PSMA6: variants seen among roughly 807,000 people sequenced by gnomAD.
PSMA6 encodes proteasome 20S subunit alpha 6.
For synonymous variants in PSMA6, 88 were observed against 97.7 expected (o/e 0.90, Z 0.59); for missense variants, 170 against 294.8 (o/e 0.58, Z 3.10).
At chr14:35,311,606 C>T (rs768633248) in intron 4 of PSMA6, among the ~76,000 whole-genome samples, 152 of 152,080 alleles carry the variant, frequency 1.0e-3, no homozygotes, top group East Asian at 3.9e-4. Context: ...TTTGTGTTGC[C>T]CTTATATTTT....
chr14:35,292,691 T>TCCGGCTTCG, intron 1 of PSMA6, 139 bp downstream of exon 1: 1 of 1,443,474 alleles, frequency 6.9e-7, no homozygotes, highest in African/African-American at 1.4e-5. Flanking sequence ...TGAAGCTGGA[T>TCCGGCTTCG]TGAGCTCTGT....
intron 1 of PSMA6, among the ~76,000 whole-genome samples, chr14:35,296,768 G>T (rs1319217718): frequency 6.6e-6 from 1 of 152,084 alleles, no homozygotes; most frequent in South Asian, 2.1e-4. Context: ...TTATTTCAAA[G>T]CAGTATTTCT....
At chr14:35,291,843 AAAAAG>A (rs2051487348), upstream of PSMA6, among the ~76,000 whole-genome samples, 9 of 151,066 alleles carry the variant, frequency 6.0e-5, no homozygotes, top group Admixed American at 5.3e-4. Flanking sequence ...AAAAAAAAAA[AAAAAG>A]ACTAAAAATT....
rs77796720 is a variant in PSMA6 at position 35,314,500 on chromosome 14, G to A, written c.683+45G>A. ...ACATGCAGACTAGAAAGGTGGAGGCGTGTGAGTCCATGTGTCCTATAACTT... is the reference window on the plus strand; with the variant it reads ...ACATGCAGACTAGAAAGGTGGAGGCATGTGAGTCCATGTGTCCTATAACTT... On this transcript the variant is annotated intron_variant, in intron 6 of 6. Transcript: ENST00000261479. The A allele has an allele frequency of 0.12, 182,104 of 1,575,398 alleles. 11,283 individuals are homozygous for A. The highest frequency in any genetic ancestry group is 0.16 in the Middle Eastern group (920 of 5,922).
upstream of PSMA6, chr14:35,292,249 G>T (rs1019181237): frequency 2.2e-5 from 29 of 1,305,828 alleles, no homozygotes; most frequent in Admixed American, 7.3e-5. Flanking sequence ...TGGCGCAGGC[G>T]CATACCTTCA....
upstream of PSMA6, chr14:35,292,375 G>T (rs918048093): frequency 2.1e-5 from 32 of 1,534,464 alleles, no homozygotes; most frequent in Middle Eastern, 7.4e-4. Context: ...AACGCGGCTG[G>T]TACCCCGGAA....
chr14:35,291,841 A>G (rs1342328065), upstream of PSMA6, among the ~76,000 whole-genome samples: 1 of 151,114 alleles, frequency 6.6e-6, no homozygotes, highest in Non-Finnish European at 1.5e-5. Flanking sequence ...AAAAAAAAAA[A>G]AAAAAAGACT....
At chr14:35,303,838 A>G (rs1314894020) in intron 1 of PSMA6, among the ~76,000 whole-genome samples, 2 of 152,172 alleles carry the variant, frequency 1.3e-5, no homozygotes, top group Non-Finnish European at 2.9e-5. Context: ...TCGCTAAACA[A>G]TGTAGTATAA....
chr14:35,278,713 G>A lies in PSMA6; in HGVS notation c.14G>A (p.Arg5Gln), dbSNP rs568729869. ...TTGGAGGTGGCTATGGCAGGTCTTC[G>A]GAGAGGTAAGTCCCTCACTCAGACT... Residue 5 changes from arginine to glutamine, a missense_variant, in exon 1 of 7, where the codon CGG becomes CAG. By Grantham distance (43) the Arg-to-Gln change is conservative. Transcript: ENST00000540871. 9.3e-5 allele frequency: 143 copies of A among 1,534,392 alleles called. No individual in the cohort carries two copies. The Middle Eastern group carries it at 1.7e-3, about 18-fold the overall frequency.
chr14:35,290,118 A>G (rs1215849951), upstream of PSMA6, among the ~76,000 whole-genome samples: 1 of 152,108 alleles, frequency 6.6e-6, no homozygotes, highest in African/African-American at 2.4e-5. Context: ...GAGGTGCCAT[A>G]TGTCTCAATG....
chr14:35,294,470 G>T (rs1051596562), intron 1 of PSMA6, among the ~76,000 whole-genome samples: 14 of 152,234 alleles, frequency 9.2e-5, no homozygotes, highest in Non-Finnish European at 1.5e-4. Flanking sequence ...AGGCCCTGGA[G>T]TCATACATGG....
intron 3 of PSMA6, chr14:35,310,314 G>T (rs542154334): frequency 2.6e-6 from 1 of 378,306 alleles, no homozygotes; most frequent in East Asian, 8.1e-5. Flanking sequence ...GCACCACCAC[G>T]TGCAGCTAAT....
At chr14:35,280,474 C>T (rs1375861695) in intron 1 of PSMA6, among the ~76,000 whole-genome samples, 7 of 151,690 alleles carry the variant, frequency 4.6e-5, no homozygotes, top group Non-Finnish European at 7.4e-5. Context: ...CTCCACCTCC[C>T]GGATTCAAGT....
At position 35,310,812 on chromosome 14, in the gene PSMA6, T is replaced by G; in HGVS notation, c.326T>G (p.Ile109Ser). 6.2e-7 allele frequency: 1 copy of G among 1,613,374 alleles called. No individual in the cohort carries two copies. Among genetic ancestry groups the G allele is most frequent in the Non-Finnish European group, 8.5e-7 (1 of 1,179,812 alleles). The change falls in exon 4 of 7, where the codon ATT (isoleucine) becomes AGT (serine). Residue 109 changes from isoleucine (I) to serine (S), a missense_variant. Coordinates refer to ENST00000261479, the MANE Select transcript of PSMA6 (RefSeq NM_002791.3). ...ANWKYKYGYE[I>S]PVDMLCKRIA... ...TGGAAATACAAGTATGGCTATGAGA[T>G]TCCTGTGGACATGCTGTGTAAAAGA... is the stretch of plus-strand genomic sequence containing the variant.
At chr14:35,308,228 C>G in intron 2 of PSMA6, 140 bp downstream of exon 2, 1 of 1,059,458 alleles carries the variant, frequency 9.4e-7, no homozygotes, top group South Asian at 1.7e-5. Context: ...TCTAGACCAG[C>G]GTGACCAACA....
chr14:35,302,829 T>G (rs1314639380), intron 1 of PSMA6, among the ~76,000 whole-genome samples: 1 of 152,222 alleles, frequency 6.6e-6, no homozygotes. Flanking sequence ...TTACGTATTA[T>G]ATTTTTCAGT....
chr14:35,292,726 C>T (rs2051509587), intron 1 of PSMA6, 174 bp downstream of exon 1: 1 of 1,251,274 alleles, frequency 8.0e-7, no homozygotes, highest in South Asian at 1.5e-5. Context: ...CGTCTGGACG[C>T]AGGGATCGGG....
At chr14:35,297,798 G>T (rs779991727) in intron 1 of PSMA6, among the ~76,000 whole-genome samples, 33 of 152,308 alleles carry the variant, frequency 2.2e-4, no homozygotes, top group Non-Finnish European at 3.5e-4. Flanking sequence ...CTTGCATCGT[G>T]TGCCTGTCCT....
intron 1 of PSMA6, among the ~76,000 whole-genome samples, chr14:35,302,105 G>A (rs183413482): frequency 6.6e-6 from 1 of 152,022 alleles, no homozygotes; most frequent in East Asian, 1.9e-4. Context: ...GCCATATAAG[G>A]TAACATTCAC....
Sources: allele counts gnomAD v4.1 joint callset (sites outside exome capture counted in the v4.1 genomes callset), GRCh38; gene constraint gnomAD v4.1.1; transcripts MANE v1.5; gene names NCBI Gene and HGNC (gene_info 2026-07-23, HGNC 2026-07-21).